The following ZNF529 variants were observed in gnomAD, a reference collection of about 807,000 sequenced individuals.
ZNF529 encodes zinc finger protein 529.
Under a neutral mutation model 10.1 loss-of-function variants are expected in ZNF529, and 11 were observed. That is an observed-to-expected ratio of 1.09 (90% CI 0.69 to 1.81). The LOEUF is 1.81. Ranked by LOEUF, ZNF529 falls within the 40% of genes most tolerant of loss-of-function variation. The pLI, the probability that ZNF529 is intolerant of heterozygous loss-of-function variation, is 0.00. For missense variants in ZNF529, 624 were observed against 666.8 expected (o/e 0.94, Z 0.71); for synonymous variants, 204 against 215.7 (o/e 0.95, Z 0.47).
chr19:36,562,732 G>C (rs1286111408), intron 2 of ZNF529, among the ~76,000 whole-genome samples: 1 of 151,860 alleles, frequency 6.6e-6, no homozygotes, highest in Non-Finnish European at 1.5e-5. Context: ...AGCTACTCAG[G>C]AGGCTGAGGC....
intron 1 of ZNF529, among the ~76,000 whole-genome samples, chr19:36,601,483 TC>T: frequency 6.6e-6 from 1 of 152,156 alleles, no homozygotes; most frequent in East Asian, 1.9e-4. Flanking sequence ...GCCCAGGAGT[TC>T]CAGGCTGTAG....
intron 2 of ZNF529, among the ~76,000 whole-genome samples, chr19:36,568,620 C>T (rs1271411550): frequency 1.3e-5 from 2 of 151,982 alleles, no homozygotes; most frequent in Non-Finnish European, 2.9e-5. Flanking sequence ...TACAGGTGCA[C>T]ACCACCACGC....
intron 1 of ZNF529, chr19:36,594,015 T>G (rs770383362): frequency 1.3e-5 from 2 of 152,182 alleles, no homozygotes; most frequent in Non-Finnish European, 2.9e-5. Flanking sequence ...GACATCCTCA[T>G]AATCTAAAAG....
chr19:36,580,619 T>C (rs1600339202), intron 2 of ZNF529: 1 of 152,178 alleles, frequency 6.6e-6, no homozygotes. Context: ...GAACCTATAA[T>C]GAGAGTGTTA....
At chr19:36,594,841 A>G (rs2036806023) in intron 1 of ZNF529, 1 of 152,000 alleles carries the variant, frequency 6.6e-6, no homozygotes, top group Admixed American at 6.6e-5. Context: ...CAGCCAACCC[A>G]ACTGCTTCTA....
At chr19:36,548,591 G>C (rs1340180308) in intron 4 of ZNF529, among the ~76,000 whole-genome samples, 1 of 152,210 alleles carries the variant, frequency 6.6e-6, no homozygotes, top group Non-Finnish European at 1.5e-5. Context: ...TGTAGATGTA[G>C]AACTAGTCAT....
intron 1 of ZNF529, among the ~76,000 whole-genome samples, chr19:36,601,101 T>G (rs764576210): frequency 6.6e-6 from 1 of 151,540 alleles, no homozygotes; most frequent in Non-Finnish European, 1.5e-5. Flanking sequence ...CATCTCCATC[T>G]CTTAACATCT....
chr19:36,578,398 C>T (rs576399042), intron 2 of ZNF529, among the ~76,000 whole-genome samples: 4 of 141,716 alleles, frequency 2.8e-5, no homozygotes, highest in African/African-American at 7.9e-5. Flanking sequence ...CTCCGCCTCC[C>T]GGGTTCACGC....
upstream of ZNF529, among the ~76,000 whole-genome samples, chr19:36,575,428 T>C (rs1568607611): frequency 6.6e-6 from 1 of 152,112 alleles, no homozygotes; most frequent in Non-Finnish European, 1.5e-5. Context: ...CCCTACCACT[T>C]TGAATAGTTA....
At chr19:36,550,672 C>T (rs1440775273) in intron 4 of ZNF529, among the ~76,000 whole-genome samples, 1 of 152,032 alleles carries the variant, frequency 6.6e-6, no homozygotes, top group Non-Finnish European at 1.5e-5. Context: ...AACGCAAATA[C>T]ATTTGTCTCA....
chr19:36,563,489 G>A (rs1312777175), intron 2 of ZNF529, among the ~76,000 whole-genome samples: 1 of 151,086 alleles, frequency 6.6e-6, no homozygotes, highest in African/African-American at 2.4e-5. Context: ...AGAGTAAGAC[G>A]ATGGAAAAAA....
chr19:36,592,122 G>GA (rs548552480), intron 1 of ZNF529, among the ~76,000 whole-genome samples: 1,821 of 137,474 alleles, frequency 0.013, 35 homozygotes, highest in African/African-American at 0.041. Context: ...TAAAAATACA[G>GA]AAAAAAAAAA....
intron 1 of ZNF529, among the ~76,000 whole-genome samples, chr19:36,603,905 C>G (rs2036971495): frequency 1.3e-5 from 2 of 152,194 alleles, no homozygotes; most frequent in Non-Finnish European, 2.9e-5. Flanking sequence ...TTTGGCTAGG[C>G]ACGGTGGCTC....
intron 2 of ZNF529, among the ~76,000 whole-genome samples, chr19:36,556,801 CA>C (rs1329484406): frequency 6.6e-6 from 1 of 152,160 alleles, no homozygotes; most frequent in East Asian, 1.9e-4. Flanking sequence ...AGATTTTGTC[CA>C]GGGGGAGAAG....
intron 2 of ZNF529, among the ~76,000 whole-genome samples, chr19:36,570,232 G>A (rs1367778900): frequency 2.0e-5 from 3 of 151,682 alleles, no homozygotes; most frequent in Non-Finnish European, 4.4e-5. Context: ...GTTGTGGTGT[G>A]TGCCTGTAGT....
chr19:36,597,817 G>A (rs994233491), intron 1 of ZNF529, among the ~76,000 whole-genome samples: 1 of 152,170 alleles, frequency 6.6e-6, no homozygotes, highest in Admixed American at 6.5e-5. Context: ...ATATTGAGTA[G>A]AAGATTATTT....
chr19:36,548,905 A>T (rs1265151907), intron 4 of ZNF529, among the ~76,000 whole-genome samples: 1 of 152,198 alleles, frequency 6.6e-6, no homozygotes, highest in Non-Finnish European at 1.5e-5. Flanking sequence ...TGGGAGGCTG[A>T]GGCACAAGAA....
chr19:36,573,452 C>G (rs960072476), upstream of ZNF529: 4 of 470,990 alleles, frequency 8.5e-6, no homozygotes, highest in Middle Eastern at 3.3e-4. Context: ...TGCGCAGACC[C>G]TTGCCATCAG....
intron 4 of ZNF529, 91 bp from the exon 5 acceptor site, chr19:36,548,413 A>G: frequency 8.1e-7 from 1 of 1,235,260 alleles, no homozygotes; most frequent in Admixed American, 2.9e-5. Flanking sequence ...CACCATATAC[A>G]TGAATTGGTT....
Sources: allele counts gnomAD v4.1 joint callset (sites outside exome capture counted in the v4.1 genomes callset), GRCh38; gene constraint gnomAD v4.1.1; transcripts MANE v1.5; gene names NCBI Gene and HGNC (gene_info 2026-07-23, HGNC 2026-07-21).